FARSB: variants seen among roughly 807,000 people sequenced by gnomAD.
FARSB encodes phenylalanine--tRNA ligase beta subunit.
A neutral mutation model predicts 69.6 loss-of-function variants in FARSB; 40 were observed. The observed-to-expected ratio is 0.57, with a 90% CI of 0.45 to 0.75. The LOEUF is 0.75. Ranked by LOEUF, FARSB falls within the 30% of genes least tolerant of loss-of-function variation. The probability of loss-of-function intolerance (pLI) is 0.00; values close to 1 mark genes in which losing one functional copy is unlikely to be tolerated. For missense variants in FARSB, 632 were observed against 722.9 expected (o/e 0.87, Z 1.44); for synonymous variants, 235 against 247.2 (o/e 0.95, Z 0.46).
rs763626334 is a variant in FARSB at position 222,600,115 on chromosome 2, G to A, written c.1463-32C>T. On this transcript the variant is annotated intron_variant, in intron 15 of 16. Coordinates refer to ENST00000281828, the MANE Select transcript of FARSB (RefSeq NM_005687.5). ...AAATAAAGGAACTGGTCACAACGCTGTATTAACCATTGCTTAAGAAACTGA... is the reference window on the plus strand; with the variant it reads ...AAATAAAGGAACTGGTCACAACGCTATATTAACCATTGCTTAAGAAACTGA... 9.7e-6 allele frequency: 15 copies of A among 1,551,718 alleles called. 1 individual carries two copies. In the South Asian group the frequency reaches 1.6e-4, roughly 17 times the overall value.
intron 15 of FARSB, among the ~76,000 whole-genome samples, chr2:222,603,644 C>A (rs577573758): frequency 6.9e-6 from 1 of 145,390 alleles, no homozygotes; most frequent in Non-Finnish European, 1.5e-5. Context: ...GGAGCTAATA[C>A]GATTAATTAT....
chr2:222,570,416 A>G lies in FARSB; in HGVS notation c.*1455T>C, dbSNP rs1689696757. 1 of 152,206 alleles carries G rather than the reference A, an allele frequency of 6.6e-6. No homozygotes were observed. The highest frequency in any genetic ancestry group is 6.5e-5 in the Admixed American group (1 of 15,280). The allele number at this position is 152,206 out of a possible 1,614,324, so 9.4% of individuals were successfully genotyped here. ...GTTCACAAATCTTACAGAGTTAGAC[A>G]CTGCTGCCCCAATTCAAGGTTGTAA... On this transcript the variant is annotated 3_prime_UTR_variant, in exon 17 of 17. Coordinates refer to ENST00000281828, the MANE Select transcript of FARSB (RefSeq NM_005687.5).
chr2:222,655,267 T>C (rs1692142632), intron 1 of FARSB, among the ~76,000 whole-genome samples: 1 of 151,830 alleles, frequency 6.6e-6, no homozygotes, highest in South Asian at 2.1e-4. Flanking sequence ...GCATTTAATA[T>C]CTCCCTCCTT....
intron 16 of FARSB, among the ~76,000 whole-genome samples, chr2:222,595,492 G>A (rs1448036171): frequency 1.3e-5 from 2 of 152,156 alleles, no homozygotes; most frequent in African/African-American, 2.4e-5. Context: ...GATTAAATGT[G>A]CATATTACTT....
intron 16 of FARSB, 48 bp downstream of exon 16, chr2:222,599,880 C>T (rs577577499): frequency 4.2e-6 from 6 of 1,442,416 alleles, no homozygotes; most frequent in Non-Finnish European, 4.6e-6. Flanking sequence ...AAGGTGTAGC[C>T]TCTTCCTGAC....
chr2:222,631,798 C>G (rs1691432552), intron 7 of FARSB, 124 bp from the exon 8 acceptor site: 1 of 664,628 alleles, frequency 1.5e-6, no homozygotes, highest in Non-Finnish European at 2.6e-6. Context: ...AACACCTTGG[C>G]CAGGGATGGT....
chr2:222,580,534 G>C lies in FARSB; in HGVS notation c.1619-8512C>G, dbSNP rs139097468. Among the ~76,000 whole-genome samples the C allele has an allele frequency of 4.7e-3, 717 of 151,798 alleles. 2 individuals carry two copies. The highest frequency in any genetic ancestry group is 0.017 in the Middle Eastern group (5 of 292). ...AGTGCTACATAGGTAAAAAGAAAATGAATCATTGTATAGCTCCTTATATAG... is the reference window on the plus strand; with the variant it reads ...AGTGCTACATAGGTAAAAAGAAAATCAATCATTGTATAGCTCCTTATATAG... On this transcript the variant is annotated intron_variant, in intron 16 of 16. Transcript: ENST00000281828.
Position 222,624,830 on chromosome 2 carries a change from A to G in FARSB, c.901-55T>C, listed in dbSNP as rs966517448. On this transcript the variant is annotated intron_variant, in intron 10 of 16. Coordinates refer to ENST00000281828, the MANE Select transcript of FARSB (RefSeq NM_005687.5). ...CATTTCCCATCAGATACAGCTTTAG[A>G]GTCTTTTCCATTAGTCATTATTGCA... 5 of 1,087,994 alleles carry G rather than the reference A, an allele frequency of 4.6e-6. No individual in the cohort carries two copies. The African/African-American group carries it at 7.9e-5, about 17-fold the overall frequency. The allele number at this position is 1,087,994 out of a possible 1,614,324, so 67.4% of individuals were successfully genotyped here. A position where few individuals can be genotyped will look rare whatever the true frequency, so the allele number is the denominator to read the frequency against.
At chr2:222,652,061 G>C (rs1416835991) in intron 1 of FARSB, among the ~76,000 whole-genome samples, 3 of 152,204 alleles carry the variant, frequency 2.0e-5, no homozygotes, top group Non-Finnish European at 4.4e-5. Flanking sequence ...GGCTACAGGA[G>C]TTATCCTATG....
chr2:222,577,978 C>G (rs1471170167), intron 16 of FARSB, among the ~76,000 whole-genome samples: 1 of 152,168 alleles, frequency 6.6e-6, no homozygotes, highest in Non-Finnish European at 1.5e-5. Context: ...GTTGGAAGAG[C>G]TTCAAGATGA....
At chr2:222,612,512 C>T (rs112446307) in intron 15 of FARSB, among the ~76,000 whole-genome samples, 1 of 152,220 alleles carries the variant, frequency 6.6e-6, no homozygotes. Context: ...ATAGTTGTGA[C>T]TACTTTGGAA....
chr2:222,614,253 T>C (rs1559203360), intron 14 of FARSB, among the ~76,000 whole-genome samples: 1 of 152,236 alleles, frequency 6.6e-6, no homozygotes, highest in Non-Finnish European at 1.5e-5. Flanking sequence ...TCATTCATTA[T>C]TTTATTTTTT....
chr2:222,572,246 C>A (rs1689735841), intron 16 of FARSB, among the ~76,000 whole-genome samples: 1 of 151,974 alleles, frequency 6.6e-6, no homozygotes, highest in South Asian at 2.1e-4. Flanking sequence ...AAATAAGGGC[C>A]CTGTATTTTT....
At chr2:222,585,120 C>T (rs911218974) in intron 16 of FARSB, among the ~76,000 whole-genome samples, 5 of 152,260 alleles carry the variant, frequency 3.3e-5, no homozygotes, top group African/African-American at 4.8e-5. Flanking sequence ...CTCATACAGC[C>T]GGGTGGCCCT....
intron 8 of FARSB, among the ~76,000 whole-genome samples, chr2:222,631,380 C>A (rs905378335): frequency 3.3e-5 from 5 of 152,150 alleles, no homozygotes; most frequent in Non-Finnish European, 7.4e-5. Context: ...TTATTAAATT[C>A]TTGGCACTGG....
At chr2:222,605,418 T>C (rs1455551163) in intron 15 of FARSB, among the ~76,000 whole-genome samples, 1 of 152,176 alleles carries the variant, frequency 6.6e-6, no homozygotes, top group Admixed American at 6.5e-5. Flanking sequence ...ACAGTAATAC[T>C]ACCATTAAGA....
chr2:222,596,721 A>G (rs1214559520), intron 16 of FARSB, among the ~76,000 whole-genome samples: 44 of 152,056 alleles, frequency 2.9e-4, no homozygotes, highest in Non-Finnish European at 7.4e-5. Flanking sequence ...CCAGTAACAA[A>G]ATTCCTGTGT....
chr2:222,641,151 C>T (rs1371507928), intron 3 of FARSB, among the ~76,000 whole-genome samples: 2 of 151,802 alleles, frequency 1.3e-5, no homozygotes, highest in Non-Finnish European at 2.9e-5. Context: ...TAAGATGCCT[C>T]ATAGTAATGT....
chr2:222,601,658 A>T (rs1241239295), intron 15 of FARSB, among the ~76,000 whole-genome samples: 3 of 152,082 alleles, frequency 2.0e-5, no homozygotes, highest in Non-Finnish European at 4.4e-5. Context: ...TCAATATTTC[A>T]TTTTATTTCA....
Sources: allele counts gnomAD v4.1 joint callset (sites outside exome capture counted in the v4.1 genomes callset), GRCh38; gene constraint gnomAD v4.1.1; transcripts MANE v1.5; gene names NCBI Gene and HGNC (gene_info 2026-07-23, HGNC 2026-07-21).